JAZF1: variants seen among roughly 807,000 people sequenced by gnomAD.
JAZF1 encodes JAZF zinc finger 1.
JAZF1 carries 8 observed loss-of-function variants against 26.4 expected under a neutral mutation model. That is an observed-to-expected ratio of 0.30 (90% confidence interval 0.18 to 0.55). JAZF1 has a LOEUF of 0.55. JAZF1 is among the 20% of genes least tolerant of loss of function. JAZF1 has a pLI of 0.94. For synonymous variants in JAZF1, 126 were observed against 122.3 expected (o/e 1.03, Z -0.20); for missense variants, 199 against 322.0 (o/e 0.62, Z 2.92).
At chr7:27,989,183 T>C (rs1370024478) in intron 2 of JAZF1, among the ~76,000 whole-genome samples, 1 of 152,116 alleles carries the variant, frequency 6.6e-6, no homozygotes, top group Non-Finnish European at 1.5e-5. Flanking sequence ...ATACAAGAAA[T>C]GGGGAAAGGA....
chr7:28,151,352 G>A (rs1299467990), intron 1 of JAZF1, among the ~76,000 whole-genome samples: 2 of 151,790 alleles, frequency 1.3e-5, no homozygotes, highest in South Asian at 2.1e-4. Flanking sequence ...TGATCTGCCC[G>A]CCTTGGCCTC....
chr7:27,870,247 C>T (rs974873790), intron 3 of JAZF1, among the ~76,000 whole-genome samples: 2 of 151,886 alleles, frequency 1.3e-5, no homozygotes, highest in Admixed American at 6.6e-5. Context: ...TAGAAAGCCC[C>T]CATAAGCTCA....
chr7:28,125,097 T>C (rs1053987139), intron 1 of JAZF1, among the ~76,000 whole-genome samples: 2 of 151,206 alleles, frequency 1.3e-5, no homozygotes, highest in African/African-American at 4.8e-5. Context: ...AATATTCTAA[T>C]TATTAGTCAC....
At chr7:28,120,281 C>T (rs530837571) in intron 1 of JAZF1, among the ~76,000 whole-genome samples, 1 of 151,704 alleles carries the variant, frequency 6.6e-6, no homozygotes, top group Admixed American at 6.6e-5. Flanking sequence ...CTCCCTAGAA[C>T]GCCATGATCA....
chr7:28,017,784 G>C (rs1166251913), intron 1 of JAZF1, among the ~76,000 whole-genome samples: 2 of 152,182 alleles, frequency 1.3e-5, no homozygotes, highest in East Asian at 3.9e-4. Flanking sequence ...TTGTTTGTTT[G>C]TTTGTTTGAG....
chr7:27,906,108 T>TCAAA, intron 2 of JAZF1, among the ~76,000 whole-genome samples: 4 of 152,180 alleles, frequency 2.6e-5, no homozygotes, highest in African/African-American at 9.7e-5. Flanking sequence ...GTGGAATTGC[T>TCAAA]TGAAATATGC....
In JAZF1 at chr7:27,922,214, C is replaced by A. The variant is rs574172816; in HGVS notation, c.189-26798G>T. Among the ~76,000 whole-genome samples, 15 of 152,324 alleles carry A rather than the reference C, an allele frequency of 9.8e-5. No individual in the cohort carries two copies. In the South Asian group the frequency reaches 1.9e-3, roughly 19 times the overall value. ...AGGTCTGATTTTCATTTAGATGGTA[C>A]TTTTCGAACCACATTTTATGTTGGT... On this transcript the variant is annotated intron_variant, in intron 2 of 4. Coordinates refer to ENST00000283928, the MANE Select transcript of JAZF1 (RefSeq NM_175061.4).
chr7:28,164,680 A>G (rs1783339785), intron 1 of JAZF1, among the ~76,000 whole-genome samples: 1 of 152,148 alleles, frequency 6.6e-6, no homozygotes, highest in African/African-American at 2.4e-5. Flanking sequence ...AATCTATACA[A>G]TCTCCCTCAG....
At chr7:27,989,068 A>G (rs1408907125) in intron 2 of JAZF1, among the ~76,000 whole-genome samples, 2 of 152,178 alleles carry the variant, frequency 1.3e-5, no homozygotes, top group Admixed American at 1.3e-4. Flanking sequence ...CCAAAACAGC[A>G]TGGTACTGGT....
intron 3 of JAZF1, among the ~76,000 whole-genome samples, chr7:27,883,851 C>T (rs1025785651): frequency 5.9e-5 from 9 of 152,118 alleles, no homozygotes; most frequent in African/African-American, 1.2e-4. Context: ...TAATATGTCC[C>T]GTAACTGGTT....
At chr7:28,014,789 T>C (rs1463451931) in intron 1 of JAZF1, among the ~76,000 whole-genome samples, 1 of 152,212 alleles carries the variant, frequency 6.6e-6, no homozygotes, top group African/African-American at 2.4e-5. Flanking sequence ...TCTGGGGTTG[T>C]GAGACAGTCT....
intron 2 of JAZF1, among the ~76,000 whole-genome samples, chr7:27,913,949 T>TGATGTGTTTCTTTA (rs888667295): frequency 2.0e-5 from 3 of 151,368 alleles, no homozygotes; most frequent in African/African-American, 7.4e-5. Context: ...GGGGTTTCAT[T>TGATGTGTTTCTTTA]GATGTGTTTC....
At chr7:28,064,886 A>T (rs1783855074) in intron 1 of JAZF1, among the ~76,000 whole-genome samples, 1 of 152,140 alleles carries the variant, frequency 6.6e-6, no homozygotes, top group African/African-American at 2.4e-5. Context: ...ACCATTAGAG[A>T]TTCATTCTAT....
intron 3 of JAZF1, among the ~76,000 whole-genome samples, chr7:27,877,543 T>A (rs1783699489): frequency 6.6e-6 from 1 of 152,164 alleles, no homozygotes; most frequent in Non-Finnish European, 1.5e-5. Flanking sequence ...GAAATAACTT[T>A]CACCTACCCT....
chr7:28,064,236 A>C (rs1161530402), intron 1 of JAZF1, among the ~76,000 whole-genome samples: 1 of 152,058 alleles, frequency 6.6e-6, no homozygotes, highest in African/African-American at 2.4e-5. Flanking sequence ...TTTAATTTTA[A>C]TTTCCCCCCA....
At chr7:27,886,488 A>G (rs1421233256) in intron 3 of JAZF1, among the ~76,000 whole-genome samples, 1 of 152,214 alleles carries the variant, frequency 6.6e-6, no homozygotes, top group East Asian at 1.9e-4. Flanking sequence ...ATCTCACCTT[A>G]TTCCAACTCC....
intron 1 of JAZF1, among the ~76,000 whole-genome samples, chr7:28,119,800 T>C (rs532804125): frequency 2.2e-4 from 33 of 152,336 alleles, no homozygotes; most frequent in African/African-American, 7.7e-4. Context: ...TTGGGACATA[T>C]CAATTAACTG....
chr7:28,010,193 G>T (rs1299556810), intron 1 of JAZF1, among the ~76,000 whole-genome samples: 3 of 152,142 alleles, frequency 2.0e-5, no homozygotes, highest in Non-Finnish European at 4.4e-5. Flanking sequence ...TCTTGCCTTT[G>T]GTTAGGTTCA....
chr7:27,884,913 A>G (rs867180499), intron 3 of JAZF1, among the ~76,000 whole-genome samples: 2 of 152,110 alleles, frequency 1.3e-5, no homozygotes, highest in Non-Finnish European at 1.5e-5. Flanking sequence ...CGAGGAACCT[A>G]TATCACACCT....
Sources: allele counts gnomAD v4.1 joint callset (sites outside exome capture counted in the v4.1 genomes callset), GRCh38; gene constraint gnomAD v4.1.1; transcripts MANE v1.5; gene names NCBI Gene and HGNC (gene_info 2026-07-23, HGNC 2026-07-21).